Variants in KCNIP3 observed in about 807,000 individuals in gnomAD.
The protein encoded by KCNIP3 is calsenilin.
KCNIP3 carries 28 observed loss-of-function variants against 35.0 expected under a neutral mutation model. The ratio of observed to expected loss-of-function variants is 0.80; its 90% confidence interval spans 0.59 to 1.10. The LOEUF (loss-of-function observed/expected upper bound fraction) is 1.10, where lower values mean the gene tolerates loss of function less well. Among genes scored for constraint, KCNIP3 ranks in the 50% least tolerant of loss-of-function variants. The pLI is 0.00. For synonymous variants in KCNIP3, 134 were observed against 133.8 expected, an observed-to-expected ratio of 1.00 and a Z score of -0.01; for missense variants, 295 against 338.4, an observed-to-expected ratio of 0.87 and a Z score of 1.01.
chr2:95,332,653 GT>G (rs1678960769), intron 2 of KCNIP3, among the ~76,000 whole-genome samples: 1 of 152,214 alleles, frequency 6.6e-6, no homozygotes, highest in African/African-American at 2.4e-5. Flanking sequence ...ATGTGGAAAG[GT>G]ATTTTGTGGG....
chr2:95,310,636 CT>C (rs1678289805), intron 2 of KCNIP3, 116 bp downstream of exon 2: 5 of 1,121,268 alleles, frequency 4.5e-6, no homozygotes, highest in African/African-American at 1.5e-5. Context: ...TACATCGCCC[CT>C]GTCTCTATTG....
chr2:95,347,214 T>G, intron 2 of KCNIP3: 3 of 1,176,208 alleles, frequency 2.6e-6, no homozygotes, highest in Non-Finnish European at 3.7e-6. Flanking sequence ...GGTGCACTGG[T>G]CTGGCGAGGA....
Position 95,382,150 on chromosome 2 carries a change from A to G in KCNIP3, c.556-227A>G, listed in dbSNP as rs960316166. Among the ~76,000 whole-genome samples the G allele has an allele frequency of 6.6e-6, 1 of 152,106 alleles. No homozygotes were observed. The highest frequency in any genetic ancestry group is 2.4e-5 in the African/African-American group (1 of 41,400). On this transcript the variant is annotated intron_variant, in intron 6 of 8. Transcript: ENST00000295225. The surrounding 1 kb of genome is among the most constrained non-coding windows in gnomAD (Gnocchi z 4.5). ...TGCTGCCGCGTCACATTTTGGAGAT[A>G]AGCACATAGCAATCCATCTCCCACT...
Position 95,384,784 on chromosome 2 carries a change from T to C in KCNIP3, c.*735T>C, listed in dbSNP as rs963712180. ...GGCGGGGGATTTCAAGTTTAGGGAT[T>C]GGGTCGTGGTGGAGAATCTGAGGGC... On this transcript the variant is annotated 3_prime_UTR_variant, in exon 9 of 9. Coordinates refer to ENST00000295225, the MANE Select transcript of KCNIP3 (RefSeq NM_013434.5). 1 of 152,442 alleles carries C rather than the reference T, an allele frequency of 6.6e-6. No homozygotes were observed. Among genetic ancestry groups the C allele is most frequent in the Non-Finnish European group, 1.5e-5 (1 of 68,276 alleles). 9.4% of individuals were successfully genotyped at this position (152,442 alleles called of 1,614,324 possible).
At chr2:95,326,274 TCA>T (rs1207691797) in intron 2 of KCNIP3, among the ~76,000 whole-genome samples, 4 of 149,680 alleles carry the variant, frequency 2.7e-5, no homozygotes, top group Non-Finnish European at 5.9e-5. Context: ...ACACATACAC[TCA>T]CTACACATAC....
At chr2:95,370,055 G>C (rs1414523175) in intron 2 of KCNIP3, among the ~76,000 whole-genome samples, 1 of 152,020 alleles carries the variant, frequency 6.6e-6, no homozygotes, top group East Asian at 1.9e-4. Context: ...TTCTTTCAAA[G>C]TGTTGATAAT....
chr2:95,383,125 C>G, intron 7 of KCNIP3, 107 bp from the exon 8 acceptor site: 1 of 332,574 alleles, frequency 3.0e-6, no homozygotes, highest in South Asian at 2.1e-5. Context: ...ACCCGCCCAT[C>G]CACCCACCCG....
rs565040946 is a variant in KCNIP3, at chr2:95,319,143, G to A, written c.181+8623G>A. On this transcript the variant is annotated intron_variant, in intron 2 of 8. Transcript: ENST00000295225. ...AATGTAAGATTGAGCATACACTCACGCATCCCCAAACAAGTAGAATAACAG... is the reference window on the plus strand; with the variant it reads ...AATGTAAGATTGAGCATACACTCACACATCCCCAAACAAGTAGAATAACAG... 1.8e-4 allele frequency among the ~76,000 whole-genome samples: 27 copies of A among 152,312 alleles called. No homozygotes were observed. The East Asian group carries it at 4.6e-3, about 26-fold the overall frequency.
At chr2:95,349,094 C>G (rs561951834) in intron 2 of KCNIP3, among the ~76,000 whole-genome samples, 14 of 152,106 alleles carry the variant, frequency 9.2e-5, no homozygotes, top group South Asian at 2.1e-4. Flanking sequence ...GACACCCCCC[C>G]CCGCCCCCCG....
intron 2 of KCNIP3, among the ~76,000 whole-genome samples, chr2:95,330,474 C>T (rs1226762538): frequency 6.6e-6 from 1 of 152,196 alleles, no homozygotes; most frequent in Non-Finnish European, 1.5e-5. Context: ...AGCTCCACTA[C>T]CAACTTCACT....
Position 95,385,519 on chromosome 2 carries a change from C to T in KCNIP3, c.*1470C>T, listed in dbSNP as rs1170089056. 1.3e-5 allele frequency: 2 copies of T among 152,976 alleles called. No individual in the cohort carries two copies. The highest frequency in any genetic ancestry group is 1.3e-4 in the Admixed American group (2 of 15,292). The allele number at this position is 152,976 out of a possible 1,614,324, so 9.5% of individuals were successfully genotyped here. The stretch of plus-strand genomic sequence containing the variant: ...CCAGGCCGCATGGCCCCTCCAGGAA[C>T]ATTCCCACATAATACATTCCATCAC... On this transcript the variant is annotated 3_prime_UTR_variant, in exon 9 of 9. Coordinates refer to ENST00000295225, the MANE Select transcript of KCNIP3 (RefSeq NM_013434.5).
chr2:95,353,747 T>C (rs1679585436), intron 2 of KCNIP3, among the ~76,000 whole-genome samples: 1 of 152,154 alleles, frequency 6.6e-6, no homozygotes, highest in Non-Finnish European at 1.5e-5. Context: ...GACCCAGAGC[T>C]TTGTGACCAC....
chr2:95,371,486 C>A (rs1466196751), intron 2 of KCNIP3, among the ~76,000 whole-genome samples: 2 of 152,180 alleles, frequency 1.3e-5, no homozygotes, highest in Non-Finnish European at 2.9e-5. Flanking sequence ...TCAGGATATG[C>A]TCTTGAAAAG....
At chr2:95,319,819 G>A (rs1480514822) in intron 2 of KCNIP3, among the ~76,000 whole-genome samples, 3 of 152,240 alleles carry the variant, frequency 2.0e-5, no homozygotes, top group African/African-American at 7.2e-5. Flanking sequence ...TGCGCCGTCT[G>A]TCTCAGTCCA....
At chr2:95,365,307 G>A (rs770455285) in intron 2 of KCNIP3, among the ~76,000 whole-genome samples, 3 of 151,816 alleles carry the variant, frequency 2.0e-5, no homozygotes, top group Non-Finnish European at 4.4e-5. Context: ...GATTACAGGC[G>A]TGCACCACTG....
intron 5 of KCNIP3, 67 bp downstream of exon 5, chr2:95,375,275 G>A (rs1445428888): frequency 1.4e-6 from 2 of 1,423,970 alleles, no homozygotes; most frequent in Admixed American, 1.7e-5. Flanking sequence ...CCTTACCCTG[G>A]CGTCACTGTC....
intron 2 of KCNIP3, chr2:95,346,872 C>T: frequency 3.2e-6 from 1 of 313,470 alleles, no homozygotes; most frequent in Non-Finnish European, 5.5e-6. Flanking sequence ...CCCGGCCCAG[C>T]CAACCCAGCA....
intron 2 of KCNIP3, among the ~76,000 whole-genome samples, chr2:95,318,883 A>G (rs1330084852): frequency 1.3e-5 from 2 of 151,990 alleles, no homozygotes; most frequent in African/African-American, 4.8e-5. Context: ...TGGTGTAGAC[A>G]TGTGACATGT....
At chr2:95,371,112 A>T (rs1420611601) in intron 2 of KCNIP3, among the ~76,000 whole-genome samples, 4 of 152,024 alleles carry the variant, frequency 2.6e-5, no homozygotes, top group Non-Finnish European at 4.4e-5. Context: ...TCTTTCTTCT[A>T]TTTACTTTGA....
Sources: gnomAD v4.1 joint callset for allele counts (sites outside exome capture counted in the v4.1 genomes callset) on GRCh38, gnomAD v4.1.1 for gene constraint, Gnocchi (gnomAD v3.1) non-coding constraint, MANE v1.5 for transcripts, NCBI Gene and HGNC (gene_info 2026-07-23, HGNC 2026-07-21) for gene names.